The following LPP variants were observed in gnomAD, a reference collection of about 807,000 sequenced individuals.
LPP encodes lipoma-preferred partner.
LPP carries 38 observed loss-of-function variants against 60.4 expected under a neutral mutation model. The ratio of observed to expected loss-of-function variants is 0.63; its 90% CI spans 0.49 to 0.83. The LOEUF is 0.83. Among genes scored for constraint, LPP ranks in the 40% least tolerant of loss-of-function variants. LPP has a pLI of 0.00. For missense variants in LPP, 902 were observed against 783.6 expected (o/e 1.15, Z -1.80); for synonymous variants, 328 against 290.8 (o/e 1.13, Z -1.30).
chr3:188,764,397 G>T (rs1733351046), intron 9 of LPP, among the ~76,000 whole-genome samples: 1 of 152,078 alleles, frequency 6.6e-6, no homozygotes, highest in Non-Finnish European at 1.5e-5. Context: ...CTGATTAACA[G>T]AATTTTTATC....
intron 6 of LPP, among the ~76,000 whole-genome samples, chr3:188,583,467 C>T (rs1836728544): frequency 6.6e-6 from 1 of 152,138 alleles, no homozygotes; most frequent in Non-Finnish European, 1.5e-5. Context: ...CAGCACACTC[C>T]TCTGGTATAA....
intron 6 of LPP, among the ~76,000 whole-genome samples, chr3:188,569,950 C>T (rs1413061903): frequency 6.6e-6 from 1 of 151,812 alleles, no homozygotes; most frequent in Non-Finnish European, 1.5e-5. Flanking sequence ...CCCATTCTCA[C>T]TCTAACCCTA....
chr3:188,812,811 A>G (rs1404506203), intron 9 of LPP, among the ~76,000 whole-genome samples: 1 of 150,212 alleles, frequency 6.7e-6, no homozygotes, highest in South Asian at 2.1e-4. Context: ...AGCTTTCTGT[A>G]TGTGTGTGTG....
chr3:188,516,595 C>T (rs78466196), intron 5 of LPP, among the ~76,000 whole-genome samples: 3,404 of 146,008 alleles, frequency 0.023, 132 homozygotes, highest in African/African-American at 0.085. Context: ...CACCCTTACT[C>T]CCCCTGCCCC....
At chr3:188,825,227 G>A (rs1410366558) in intron 9 of LPP, among the ~76,000 whole-genome samples, 2 of 150,922 alleles carry the variant, frequency 1.3e-5, no homozygotes, top group Non-Finnish European at 2.9e-5. Flanking sequence ...TTGTATAGGT[G>A]CAGTAGTCCC....
intron 8 of LPP, among the ~76,000 whole-genome samples, chr3:188,749,428 C>A (rs10513830): frequency 1.3e-5 from 2 of 152,162 alleles, no homozygotes; most frequent in African/African-American, 4.8e-5. Flanking sequence ...TCTACACGTC[C>A]TATGACCCTT....
intron 4 of LPP, among the ~76,000 whole-genome samples, chr3:188,479,189 T>A (rs1409948385): frequency 6.6e-6 from 1 of 152,232 alleles, no homozygotes; most frequent in Non-Finnish European, 1.5e-5. Context: ...GACTTCATAA[T>A]TTAGAAAGTT....
chr3:188,630,329 A>T (rs1409247322), intron 7 of LPP, among the ~76,000 whole-genome samples: 1 of 152,178 alleles, frequency 6.6e-6, no homozygotes, highest in Non-Finnish European at 1.5e-5. Context: ...GACATTTCTA[A>T]AAGATGTGCA....
At chr3:188,723,511 G>C (rs1057069801) in intron 8 of LPP, among the ~76,000 whole-genome samples, 1 of 152,074 alleles carries the variant, frequency 6.6e-6, no homozygotes, top group Non-Finnish European at 1.5e-5. Flanking sequence ...TTGAACGTCT[G>C]GTCCCAGTGT....
chr3:188,226,726 A>G (rs1717909870), intron 2 of LPP, among the ~76,000 whole-genome samples: 1 of 152,142 alleles, frequency 6.6e-6, no homozygotes, highest in Admixed American at 6.5e-5. Flanking sequence ...ACCTTGACAT[A>G]TTTGTGGTGT....
Position 188,485,654 on chromosome 3 carries a change from G to A in LPP, c.306+950G>A, listed in dbSNP as rs1009243112. On this transcript the variant is annotated intron_variant, in intron 5 of 11. Coordinates refer to ENST00000617246, the MANE Select transcript of LPP (RefSeq NM_001375462.1). The stretch of plus-strand genomic sequence containing the variant: ...CTACTAAAAATACAAAAAATTAGCC[G>A]GGCGTAGTGGCGGGCGCCTGTAGTC... 1.5e-4 allele frequency among the ~76,000 whole-genome samples: 23 copies of A among 151,246 alleles called. No homozygotes were observed. The East Asian group carries it at 3.3e-3, about 22-fold the overall frequency.
intron 2 of LPP, among the ~76,000 whole-genome samples, chr3:188,256,350 CT>C (rs1370492845): frequency 6.6e-6 from 1 of 152,034 alleles, no homozygotes; most frequent in African/African-American, 2.4e-5. Flanking sequence ...ACCAACACAT[CT>C]TTTTTCAGCT....
chr3:188,497,350 A>G (rs964485457), intron 5 of LPP, among the ~76,000 whole-genome samples: 2 of 152,218 alleles, frequency 1.3e-5, no homozygotes, highest in Non-Finnish European at 2.9e-5. Flanking sequence ...TTTGACATTC[A>G]TAGCATTTCT....
chr3:188,196,798 T>C (rs1729670070), intron 1 of LPP, among the ~76,000 whole-genome samples: 1 of 152,190 alleles, frequency 6.6e-6, no homozygotes, highest in South Asian at 2.1e-4. Flanking sequence ...ATCTCCAAGA[T>C]GATCTTGTGC....
At chr3:188,210,541 G>A (rs1212638859) in intron 1 of LPP, among the ~76,000 whole-genome samples, 1 of 152,178 alleles carries the variant, frequency 6.6e-6, no homozygotes, top group Admixed American at 6.6e-5. Context: ...GGCCTTTATG[G>A]CCACTTCTAA....
At chr3:188,303,783 C>T (rs1383104272) in intron 2 of LPP, among the ~76,000 whole-genome samples, 2 of 152,068 alleles carry the variant, frequency 1.3e-5, no homozygotes, top group Non-Finnish European at 2.9e-5. Flanking sequence ...AGTACCCTCC[C>T]TGGAGATTCT....
intron 7 of LPP, among the ~76,000 whole-genome samples, chr3:188,698,323 A>G (rs149663581): frequency 2.3e-4 from 35 of 152,288 alleles, no homozygotes; most frequent in African/African-American, 7.7e-4. Flanking sequence ...AAGCCATCCA[A>G]TGGAAATAAT....
In LPP at chr3:188,609,533, C is replaced by T. The variant is rs374855553; in HGVS notation, c.802C>T (p.Arg268Trp). 1.6e-4 allele frequency: 263 copies of T among 1,614,158 alleles called. No individual in the cohort carries two copies. Among genetic ancestry groups the T allele is most frequent in the East Asian group, 8.7e-4 (39 of 44,872 alleles). The change falls in exon 7 of 12, where the codon CGG becomes TGG. Residue 268 changes from arginine (R) to tryptophan (W), a missense_variant. Arg to Trp is a moderately radical substitution (Grantham distance 101). Coordinates refer to ENST00000617246, the MANE Select transcript of LPP (RefSeq NM_001375462.1). The surrounding 1 kb of genome is among the most constrained non-coding windows in gnomAD (Gnocchi z 6.9). ...TGGGCAGTGTCCACCTCCTTCAACA[C>T]GGGGAGGCATGGATTATGCCTACAT... ...VSGQCPPPSTRGGMDYAYIPP... is the reference protein window; with the variant it reads ...VSGQCPPPSTWGGMDYAYIPP...
intron 1 of LPP, chr3:188,212,699 G>A (rs1226214408): frequency 6.6e-6 from 1 of 151,238 alleles, no homozygotes; most frequent in Admixed American, 6.6e-5. Flanking sequence ...GGAAGCTGAG[G>A]CGAGAATGTC....
Sources: allele counts gnomAD v4.1 joint callset (sites outside exome capture counted in the v4.1 genomes callset), GRCh38; gene constraint gnomAD v4.1.1; non-coding constraint Gnocchi (gnomAD v3.1); transcripts MANE v1.5; gene names NCBI Gene and HGNC (gene_info 2026-07-23, HGNC 2026-07-21).